C1orf105: variants seen among roughly 807,000 people sequenced by gnomAD.
C1orf105 encodes uncharacterized protein C1orf105.
Under a neutral mutation model 20.8 loss-of-function variants are expected in C1orf105, and 17 were observed. That is an observed-to-expected ratio of 0.82 (90% CI 0.56 to 1.23). C1orf105 has a LOEUF of 1.23. C1orf105 is among the 50% of genes most tolerant of loss of function. The pLI, the probability that C1orf105 is intolerant of heterozygous loss-of-function variation, is 0.00. For missense variants in C1orf105, 219 were observed against 213.5 expected, an observed-to-expected ratio of 1.03 and a Z score of -0.16; for synonymous variants, 72 against 72.1, an observed-to-expected ratio of 1.00 and a Z score of 0.01.
intron 5 of C1orf105, among the ~76,000 whole-genome samples, chr1:172,463,795 G>A (rs1160137092): frequency 6.6e-6 from 1 of 152,136 alleles, no homozygotes; most frequent in Non-Finnish European, 1.5e-5. Context: ...TTAAAAGTAA[G>A]ACCAAGGATT....
At chr1:172,439,735 A>G (rs935349546) in intron 1 of C1orf105, among the ~76,000 whole-genome samples, 2 of 152,220 alleles carry the variant, frequency 1.3e-5, no homozygotes, top group African/African-American at 4.8e-5. Context: ...AACAATCACA[A>G]ATGCCTTCAA....
rs575711387 is a variant in C1orf105 at position 172,435,250 on chromosome 1, G to A, written c.22-9823G>A. Reference sequence around the variant, plus strand: ...GAATCCTCCCTAACTCATTTTATGAGGTCAGCATCATCCTGATACCAAAGC... The same window carrying A: ...GAATCCTCCCTAACTCATTTTATGAAGTCAGCATCATCCTGATACCAAAGC... On this transcript the variant is annotated intron_variant, in intron 1 of 6. Coordinates refer to ENST00000367727, the MANE Select transcript of C1orf105 (RefSeq NM_139240.4). Among the ~76,000 whole-genome samples, 21 of 152,282 alleles carry A rather than the reference G, an allele frequency of 1.4e-4. No individual in the cohort carries two copies. In the East Asian group the frequency reaches 4.1e-3, roughly 29 times the overall value.
At chr1:172,435,004 G>T (rs2071993589) in intron 1 of C1orf105, among the ~76,000 whole-genome samples, 1 of 152,150 alleles carries the variant, frequency 6.6e-6, no homozygotes, top group African/African-American at 2.4e-5. Context: ...TAGAAGAAAT[G>T]GATAAATTCC....
At chr1:172,467,868 T>C (rs1338335007) in intron 6 of C1orf105, among the ~76,000 whole-genome samples, 1 of 152,210 alleles carries the variant, frequency 6.6e-6, no homozygotes, top group African/African-American at 2.4e-5. Flanking sequence ...TAACCAACTT[T>C]TAATAAATCA....
At chr1:172,443,532 C>G (rs1353975814) in intron 1 of C1orf105, 1 of 167,030 alleles carries the variant, frequency 6.0e-6, no homozygotes, top group Non-Finnish European at 1.5e-5. Flanking sequence ...CAAGGAAACT[C>G]TTGAGAGGAT....
intron 1 of C1orf105, among the ~76,000 whole-genome samples, chr1:172,431,687 T>A (rs990024349): frequency 2.0e-5 from 3 of 152,150 alleles, no homozygotes; most frequent in Non-Finnish European, 4.4e-5. Flanking sequence ...AGAAGACAGG[T>A]GATTTCTGCA....
At chr1:172,430,944 T>C (rs2071855991) in intron 1 of C1orf105, 1 of 428,124 alleles carries the variant, frequency 2.3e-6, no homozygotes, top group Non-Finnish European at 4.1e-6. Flanking sequence ...GCAATTGTTT[T>C]GGGGTACCAC....
At chr1:172,451,995 C>T (rs1311666990) in intron 3 of C1orf105, among the ~76,000 whole-genome samples, 1 of 151,012 alleles carries the variant, frequency 6.6e-6, no homozygotes, top group Non-Finnish European at 1.5e-5. Flanking sequence ...GCCTCAGCCT[C>T]CTGAGTAGCT....
intron 1 of C1orf105, chr1:172,431,053 G>A (rs113183250): frequency 3.4e-5 from 22 of 649,840 alleles, no homozygotes; most frequent in African/African-American, 2.2e-4. Context: ...CTCTTCTTGG[G>A]CCTCCCTATT....
intron 1 of C1orf105, among the ~76,000 whole-genome samples, chr1:172,432,870 A>G (rs2071914727): frequency 6.6e-6 from 1 of 152,218 alleles, no homozygotes; most frequent in Non-Finnish European, 1.5e-5. Context: ...AAAACCTTGA[A>G]AAAAGGACAG....
chr1:172,459,788 G>A (rs914102712), intron 4 of C1orf105, among the ~76,000 whole-genome samples: 8 of 152,070 alleles, frequency 5.3e-5, no homozygotes, highest in African/African-American at 1.4e-4. Context: ...GCTGAAAAGT[G>A]GAAATAACCC....
At chr1:172,431,199 CA>C in intron 1 of C1orf105, 2 of 429,310 alleles carry the variant, frequency 4.7e-6, no homozygotes, top group Middle Eastern at 4.1e-4. Flanking sequence ...GAAGGCATAT[CA>C]AAAGCCGAGA....
chr1:172,432,987 C>G (rs2422141), intron 1 of C1orf105, among the ~76,000 whole-genome samples: 58,323 of 151,984 alleles, frequency 0.38, 13,703 homozygotes, highest in East Asian at 0.63. Flanking sequence ...GCTTCAATAG[C>G]CGATTTGATC....
Position 172,448,380 on chromosome 1 carries a change from A to G in C1orf105, c.108-61A>G, listed in dbSNP as rs563255487. 11 of 1,146,024 alleles carry G rather than the reference A, an allele frequency of 9.6e-6. No homozygotes were observed. In the South Asian group the frequency reaches 1.4e-4, roughly 15 times the overall value. The allele number at this position is 1,146,024 out of a possible 1,614,324, so 71.0% of individuals were successfully genotyped here. On this transcript the variant is annotated intron_variant, in intron 2 of 6. Transcript: ENST00000367727. ...CCTTGTATTCTCTCAGAAACAACCA[A>G]GGGCCTGGCTCTTCAAACATGGGAC...
intron 3 of C1orf105, among the ~76,000 whole-genome samples, chr1:172,454,402 G>A (rs1402500464): frequency 6.6e-6 from 1 of 151,780 alleles, no homozygotes; most frequent in African/African-American, 2.4e-5. Flanking sequence ...CCTCAAAGAT[G>A]TGAGGGATGG....
At chr1:172,424,757 A>AT (rs754255756) in intron 1 of C1orf105, among the ~76,000 whole-genome samples, 52 of 152,306 alleles carry the variant, frequency 3.4e-4, no homozygotes, top group Admixed American at 3.1e-3. Context: ...CAAAGAGATG[A>AT]TTCCTTCTGC....
At chr1:172,445,307 T>G in intron 2 of C1orf105, 149 bp downstream of exon 2, 3 of 701,308 alleles carry the variant, frequency 4.3e-6, no homozygotes, top group Non-Finnish European at 7.0e-6. Context: ...ATAATCCGGG[T>G]TTCTCAGAAA....
In C1orf105 at chr1:172,448,476, C is replaced by G; in HGVS notation, c.143C>G (p.Ser48Cys). The G allele has an allele frequency of 6.2e-7, 1 of 1,613,324 alleles. No homozygotes were observed. Among genetic ancestry groups the G allele is most frequent in the Admixed American group, 1.7e-5 (1 of 60,018 alleles). Residue 48 changes from serine to cysteine, a missense_variant, in exon 3 of 7, where the codon TCC (serine) becomes TGC (cysteine). Transcript: ENST00000367727. Reference protein sequence around the residue: ...PHTSATFLTSSKKNMNLPILF... With the variant: ...PHTSATFLTSCKKNMNLPILF... The stretch of plus-strand genomic sequence containing the variant: ...ACCTCTGCGACTTTTCTGACTTCAT[C>G]CAAGAAGAATATGAATTTGCCAATT...
chr1:172,441,586 T>C, intron 1 of C1orf105: 1 of 702,008 alleles, frequency 1.4e-6, no homozygotes, highest in Non-Finnish European at 2.2e-6. Context: ...ACCCAAGCCT[T>C]TGGTTCATTT....
Sources: allele counts gnomAD v4.1 joint callset (sites outside exome capture counted in the v4.1 genomes callset), GRCh38; gene constraint gnomAD v4.1.1; transcripts MANE v1.5; gene names NCBI Gene and HGNC (gene_info 2026-07-23, HGNC 2026-07-21).